GFM2: variants seen among roughly 807,000 people sequenced by gnomAD.
The protein encoded by GFM2 is GTP dependent ribosome recycling factor mitochondrial 2, also known as ribosome-releasing factor 2, mitochondrial.
In GFM2, 72 loss-of-function variants were observed where a neutral mutation model predicts 95.4. That is an observed-to-expected ratio of 0.76 (90% CI 0.62 to 0.92). GFM2 has a LOEUF of 0.92. Among genes scored for constraint, GFM2 ranks in the 40% least tolerant of loss-of-function variants. The pLI is 0.00. For synonymous variants in GFM2, 276 were observed against 317.5 expected (o/e 0.87, Z 1.39); for missense variants, 825 against 924.1 (o/e 0.89, Z 1.39).
At position 74,760,902 on chromosome 5, in the gene GFM2, CT is replaced by C; in HGVS notation, c.147del (p.Gly50AlafsTer2). The C allele has an allele frequency of 3.8e-6, 6 of 1,579,144 alleles. No homozygotes were observed. Among genetic ancestry groups the C allele is most frequent in the Non-Finnish European group, 5.2e-6 (6 of 1,152,210 alleles). On this transcript the variant is annotated frameshift_variant and splice_region_variant, in exon 3 of 21. Transcript: ENST00000296805. LOFTEE classifies it high-confidence loss of function. ...VPLGRNCSSL[P>X]GLIGNDIKSL... ...AATTAGAAGACTCTAACATTTGTACCTGGTAGAGAACTGCAATTTCTTCCAA... is the reference window on the plus strand; with the variant it reads ...AATTAGAAGACTCTAACATTTGTACCGGTAGAGAACTGCAATTTCTTCCAA...
At chr5:74,751,899 A>C (rs1183665675) in intron 5 of GFM2, among the ~76,000 whole-genome samples, 2 of 152,040 alleles carry the variant, frequency 1.3e-5, no homozygotes, top group Non-Finnish European at 2.9e-5. Flanking sequence ...ACCACTTAGC[A>C]CTCTATGATC....
At chr5:74,727,081 T>C (rs960755261) in intron 17 of GFM2, among the ~76,000 whole-genome samples, 3 of 152,142 alleles carry the variant, frequency 2.0e-5, no homozygotes, top group Admixed American at 6.6e-5. Flanking sequence ...GGCGGGAGGA[T>C]TGCTGGAGCC....
intron 17 of GFM2, among the ~76,000 whole-genome samples, chr5:74,726,933 A>G (rs368077675): frequency 1.3e-5 from 2 of 152,202 alleles, no homozygotes; most frequent in African/African-American, 4.8e-5. Flanking sequence ...TTGGGAAGCC[A>G]AAGTGGGAGG....
At chr5:74,739,575 A>C (rs1374595000) in intron 12 of GFM2, among the ~76,000 whole-genome samples, 1 of 152,176 alleles carries the variant, frequency 6.6e-6, no homozygotes, top group African/African-American at 2.4e-5. Context: ...AGGACTTATT[A>C]CTTAAGTACA....
intron 10 of GFM2, among the ~76,000 whole-genome samples, chr5:74,742,245 G>A (rs771989918): frequency 2.1e-5 from 3 of 145,284 alleles, no homozygotes; most frequent in Non-Finnish European, 4.5e-5. Flanking sequence ...GGAGCAAAAC[G>A]TTCAAACTTG....
chr5:74,759,259 G>T, intron 4 of GFM2, 110 bp downstream of exon 4: 1 of 703,156 alleles, frequency 1.4e-6, no homozygotes, highest in East Asian at 2.6e-5. Flanking sequence ...CTTAAAATTG[G>T]CTAGGGCAGA....
chr5:74,758,815 T>TG lies in GFM2; in HGVS notation c.304+33dup, dbSNP rs765847834. 8.4e-5 allele frequency: 109 copies of TG among 1,302,810 alleles called. No homozygotes were observed. In the East Asian group the frequency reaches 1.8e-3, roughly 21 times the overall value. The allele number at this position is 1,302,810 out of a possible 1,614,324, so 80.7% of individuals were successfully genotyped here. A position where few individuals can be genotyped will look rare whatever the true frequency, so the allele number is the denominator to read the frequency against. ...TATTTTCCAATGATGCTTTTGCTAA[T>TG]GGGGGGGTGGGAAGAGGAGGAATCC... On this transcript the variant is annotated intron_variant, in intron 5 of 20. Transcript: ENST00000296805.
At chr5:74,728,857 G>A (rs1256693045) in intron 17 of GFM2, among the ~76,000 whole-genome samples, 1 of 138,508 alleles carries the variant, frequency 7.2e-6, no homozygotes, top group African/African-American at 2.7e-5. Context: ...TGGGATTCAA[G>A]CAATTCTCCT....
At chr5:74,742,760 G>A (rs1436626910) in intron 10 of GFM2, among the ~76,000 whole-genome samples, 1 of 151,752 alleles carries the variant, frequency 6.6e-6, no homozygotes, top group African/African-American at 2.4e-5. Context: ...TCTGCTTCCT[G>A]GGTTCAAGCG....
Position 74,745,691 on chromosome 5 carries a change from G to T in GFM2, c.836C>A (p.Ala279Asp). The change falls in exon 10 of 21, where the codon GCC becomes GAC. Residue 279 changes from alanine (A) to aspartate (D), a missense_variant. Coordinates refer to ENST00000296805, the MANE Select transcript of GFM2 (RefSeq NM_032380.5). The part of the protein sequence containing the change: ...LLKETTEARN[A>D]LIEQVADLDD... Reference sequence around the variant, plus strand: ...ATTATACTTTACTTGTTCAATTAAGGCATTCCTTGCTTCAGTTGTTTCCTT... The same window carrying T: ...ATTATACTTTACTTGTTCAATTAAGTCATTCCTTGCTTCAGTTGTTTCCTT... 1.2e-6 allele frequency: 2 copies of T among 1,611,112 alleles called. No homozygotes were observed.
intron 2 of GFM2, among the ~76,000 whole-genome samples, chr5:74,762,521 A>G (rs1245842670): frequency 1.3e-5 from 2 of 152,224 alleles, no homozygotes; most frequent in Non-Finnish European, 2.9e-5. Flanking sequence ...CCTACCATAG[A>G]TCTTAGCAAC....
At chr5:74,746,038 G>T in intron 9 of GFM2, 67 bp downstream of exon 9, 1 of 1,191,792 alleles carries the variant, frequency 8.4e-7, no homozygotes, top group Non-Finnish European at 1.2e-6. Flanking sequence ...CTTTGGAAAT[G>T]TATATATTGT....
chr5:74,764,982 C>T lies in GFM2; in HGVS notation c.-24-1216G>A, dbSNP rs964063073. The T allele has an allele frequency of 8.0e-5, 20 of 250,622 alleles. 1 individual carries two copies. The highest frequency in any genetic ancestry group is 1.3e-4 in the Non-Finnish European group (17 of 130,126). 15.5% of individuals were successfully genotyped at this position (250,622 alleles called of 1,614,324 possible). On this transcript the variant is annotated intron_variant, in intron 1 of 20. Coordinates refer to ENST00000296805, the MANE Select transcript of GFM2 (RefSeq NM_032380.5). ...TGTATTTTTAGTAGAGACGGGGTTT[C>T]GCCATGTTAGCCAGACTGGTCGTGA...
At position 74,736,806 on chromosome 5, in the gene GFM2, AGACAGT is replaced by A. The variant is rs1417333716; in HGVS notation, c.1494_1499del (p.Leu499_Ser500del). On this transcript the variant is annotated inframe_deletion, in exon 15 of 21. Coordinates refer to ENST00000296805, the MANE Select transcript of GFM2 (RefSeq NM_032380.5). ...TAAGACCATTTATACCTGGCTGCTT[AGACAGT>A]GATGGGGGTTCTATGGTACAGAAGA... 4 of 1,613,812 alleles carry A rather than the reference AGACAGT, an allele frequency of 2.5e-6. No individual in the cohort carries two copies. The highest frequency in any genetic ancestry group is 2.7e-5 in the African/African-American group (2 of 74,922).
Position 74,721,983 on chromosome 5 carries a change from T to C in GFM2, c.2212-200A>G, listed in dbSNP as rs16872219. ...ACATTGAGGACAGAAAGCAGAGTAG[T>C]GCAAGTGTGCTGCAGATGTATTTGT... On this transcript the variant is annotated intron_variant, in intron 20 of 20. Coordinates refer to ENST00000296805, the MANE Select transcript of GFM2 (RefSeq NM_032380.5). Among the ~76,000 whole-genome samples, 2,051 of 152,304 alleles carry C rather than the reference T, an allele frequency of 0.013. 47 individuals carry two copies. The highest frequency in any genetic ancestry group is 0.046 in the African/African-American group (1,930 of 41,564).
intron 15 of GFM2, 134 bp from the exon 16 acceptor site, chr5:74,733,232 T>C: frequency 1.6e-6 from 1 of 616,260 alleles, no homozygotes; most frequent in Non-Finnish European, 2.9e-6. Flanking sequence ...GACTCACGTC[T>C]GTAATCCCAG....
chr5:74,725,580 C>A, intron 19 of GFM2, 60 bp downstream of exon 19: 1 of 1,104,212 alleles, frequency 9.1e-7, no homozygotes, highest in South Asian at 1.3e-5. Context: ...TCTGCAAGAT[C>A]AGTGGTACTA....
At chr5:74,755,853 T>C (rs1354543866) in intron 5 of GFM2, among the ~76,000 whole-genome samples, 1 of 152,182 alleles carries the variant, frequency 6.6e-6, no homozygotes, top group South Asian at 2.1e-4. Flanking sequence ...CCCTAAATCA[T>C]TCTATGAAGC....
rs562244099 is a variant in GFM2, at chr5:74,738,315, T to A, written c.1320+3A>T. ...TTCCTAGAGAAATCATTTGGTCACT[T>A]ACATGTTTAAGCCCAACAGTCAAAG... On this transcript the variant is annotated splice_donor_region_variant and intron_variant, in intron 14 of 20. Coordinates refer to ENST00000296805, the MANE Select transcript of GFM2 (RefSeq NM_032380.5). The A allele has an allele frequency of 2.5e-6, 4 of 1,603,966 alleles. No individual in the cohort carries two copies. Among genetic ancestry groups the A allele is most frequent in the Non-Finnish European group, 3.4e-6 (4 of 1,174,518 alleles).
Sources: allele counts gnomAD v4.1 joint callset (sites outside exome capture counted in the v4.1 genomes callset), GRCh38; gene constraint gnomAD v4.1.1; transcripts MANE v1.5; gene names NCBI Gene and HGNC (gene_info 2026-07-23, HGNC 2026-07-21).